The following ARHGEF10L variants were observed in gnomAD, a reference collection of about 807,000 sequenced individuals.
ARHGEF10L encodes the protein rho guanine nucleotide exchange factor 10-like protein.
A neutral mutation model predicts 141.2 loss-of-function variants in ARHGEF10L; 69 were observed. The ratio of observed to expected loss-of-function variants is 0.49; its 90% CI spans 0.40 to 0.60. The LOEUF (loss-of-function observed/expected upper bound fraction) is 0.60, where lower values mean the gene tolerates loss of function less well. ARHGEF10L is among the 20% of genes least tolerant of loss of function. The pLI is 0.00. For synonymous variants in ARHGEF10L, 711 were observed against 718.5 expected, an observed-to-expected ratio of 0.99 and a Z score of 0.17; for missense variants, 1,482 against 1,734.3, an observed-to-expected ratio of 0.85 and a Z score of 2.58.
chr1:17,648,691 C>A lies in ARHGEF10L; in HGVS notation c.2394+16C>A. 6.2e-7 allele frequency: 1 copy of A among 1,609,344 alleles called. No homozygotes were observed. Among genetic ancestry groups the A allele is most frequent in the Non-Finnish European group, 8.5e-7 (1 of 1,177,538 alleles). ...CAGCCTGCAGGTGAGTGGAGCGGAT[C>A]TTGCTGAGCCGACCTCGAAGGTGGC... On this transcript the variant is annotated intron_variant, in intron 22 of 28. Coordinates refer to ENST00000361221, the MANE Select transcript of ARHGEF10L (RefSeq NM_018125.4).
intron 23 of ARHGEF10L, 91 bp from the exon 24 acceptor site, chr1:17,655,788 G>A (rs2062202798): frequency 4.2e-6 from 5 of 1,184,026 alleles, no homozygotes; most frequent in African/African-American, 3.0e-5. Context: ...TCTCTCAGGG[G>A]ATGGGGTCCT....
intron 27 of ARHGEF10L, among the ~76,000 whole-genome samples, chr1:17,688,408 C>T: frequency 6.6e-6 from 1 of 152,232 alleles, no homozygotes; most frequent in Non-Finnish European, 1.5e-5. Context: ...GCTCAAGATG[C>T]AGGCACCATG....
intron 1 of ARHGEF10L, among the ~76,000 whole-genome samples, chr1:17,576,588 T>C (rs2078234574): frequency 6.6e-6 from 1 of 151,912 alleles, no homozygotes; most frequent in Non-Finnish European, 1.5e-5. Context: ...GAGAAAACAA[T>C]CTCCTATAAC....
intron 1 of ARHGEF10L, among the ~76,000 whole-genome samples, chr1:17,557,090 C>T (rs944621233): frequency 1.3e-5 from 2 of 150,580 alleles, no homozygotes; most frequent in African/African-American, 4.9e-5. Flanking sequence ...GGCCTATAAT[C>T]CCAGCACTTT....
Position 17,639,779 on chromosome 1 carries a change from T to C in ARHGEF10L, c.2172-423T>C, listed in dbSNP as rs2101820195. On this transcript the variant is annotated intron_variant, in intron 20 of 28. Transcript: ENST00000361221. The surrounding 1 kb of genome is among the most constrained non-coding windows in gnomAD (Gnocchi z 4.3). ...TCAGCAAACATTTACTGAGCAACTG[T>C]CCCATGCCAGGTGCTGGGAACAGAC... 1.8e-6 allele frequency: 2 copies of C among 1,115,504 alleles called. No individual in the cohort carries two copies. The highest frequency in any genetic ancestry group is 2.4e-6 in the Non-Finnish European group (2 of 827,194). 69.1% of individuals were successfully genotyped at this position (1,115,504 alleles called of 1,614,324 possible).
rs532420319 is a variant in ARHGEF10L at position 17,580,656 on chromosome 1, C to A, written c.37+24C>A. On this transcript the variant is annotated intron_variant, in intron 2 of 28. Transcript: ENST00000361221. ...AGGTACCGTACCCAGGGCTTCCTGT[C>A]CCTCTCATCCTTTCTTAGAAGGGGG... 2.9e-5 allele frequency: 47 copies of A among 1,614,096 alleles called. No individual in the cohort carries two copies. In the East Asian group the frequency reaches 8.2e-4, roughly 28 times the overall value.
In ARHGEF10L at chr1:17,695,154, G is replaced by T; in HGVS notation, c.3185-4G>T. ...CACTGCTCAGCCGCCCTCTCTTTCTGCAGGCCAGAAGCACTTGTGTGTCAC... is the reference window on the plus strand; with the variant it reads ...CACTGCTCAGCCGCCCTCTCTTTCTTCAGGCCAGAAGCACTTGTGTGTCAC... On this transcript the variant is annotated splice_region_variant and splice_polypyrimidine_tract_variant and intron_variant, in intron 27 of 28. Transcript: ENST00000361221. 6.2e-7 allele frequency: 1 copy of T among 1,612,668 alleles called. No individual in the cohort carries two copies. Among genetic ancestry groups the T allele is most frequent in the Non-Finnish European group, 8.5e-7 (1 of 1,179,972 alleles).
chr1:17,523,353 T>G, the ARHGEF10L span, among the ~76,000 whole-genome samples: 3 of 152,120 alleles, frequency 2.0e-5, no homozygotes, highest in African/African-American at 7.2e-5. Flanking sequence ...CCTCCTAAAG[T>G]GCTGGGATTA....
upstream of ARHGEF10L, among the ~76,000 whole-genome samples, chr1:17,535,013 C>T (rs192802867): frequency 9.9e-5 from 15 of 152,160 alleles, 1 homozygote; most frequent in East Asian, 1.5e-3. Flanking sequence ...ATGATTCAAA[C>T]GCATTACATT....
chr1:17,597,349 T>A (rs1570749852), intron 4 of ARHGEF10L, among the ~76,000 whole-genome samples: 1 of 152,050 alleles, frequency 6.6e-6, no homozygotes, highest in Non-Finnish European at 1.5e-5. Flanking sequence ...ACGGCAGCCC[T>A]GCGTGGCTTC....
intron 1 of ARHGEF10L, among the ~76,000 whole-genome samples, chr1:17,543,317 T>C (rs2076797740): frequency 6.6e-6 from 1 of 152,188 alleles, no homozygotes; most frequent in South Asian, 2.1e-4. Context: ...GAGCGATGGC[T>C]CATGCGTGTA....
At chr1:17,624,621 C>T (rs1557857804) in intron 13 of ARHGEF10L, 118 bp downstream of exon 13, 6 of 797,066 alleles carry the variant, frequency 7.5e-6, no homozygotes, top group East Asian at 5.2e-5. Flanking sequence ...CTGGACAGCT[C>T]CCCTCTTTCT....
intron 4 of ARHGEF10L, among the ~76,000 whole-genome samples, chr1:17,592,057 C>G (rs2079589602): frequency 6.6e-6 from 1 of 152,168 alleles, no homozygotes; most frequent in Admixed American, 6.6e-5. Flanking sequence ...CTGGTGGACT[C>G]TGAAGCACGT....
the ARHGEF10L span, among the ~76,000 whole-genome samples, chr1:17,527,826 CCCTCTAGTGCTTTT>C: frequency 6.7e-6 from 1 of 150,354 alleles, no homozygotes; most frequent in Non-Finnish European, 1.5e-5. Context: ...AGGGTTATTG[CCCTCTAGTGCTTTT>C]CCTCTTGCTT....
intron 1 of ARHGEF10L, among the ~76,000 whole-genome samples, chr1:17,563,077 TCTC>T (rs1056474081): frequency 6.6e-6 from 1 of 151,916 alleles, no homozygotes; most frequent in African/African-American, 2.4e-5. Context: ...TTTAGACTCT[TCTC>T]CTGGGGGACG....
Position 17,573,303 on chromosome 1 carries a change from T to C in ARHGEF10L, c.-43-7250T>C, listed in dbSNP as rs2078084349. Among the ~76,000 whole-genome samples, 1 of 152,072 alleles carries C rather than the reference T, an allele frequency of 6.6e-6. No individual in the cohort carries two copies. The highest frequency in any genetic ancestry group is 1.5e-5 in the Non-Finnish European group (1 of 68,004). Reference sequence around the variant, plus strand: ...AGCTGGGAGGCGGGCATCCCTGTTGTAGGTGGGGAAGCTGAGGCTCTGATG... The same window carrying C: ...AGCTGGGAGGCGGGCATCCCTGTTGCAGGTGGGGAAGCTGAGGCTCTGATG... On this transcript the variant is annotated intron_variant, in intron 1 of 28. Transcript: ENST00000361221. The surrounding 1 kb of genome is among the most constrained non-coding windows in gnomAD (Gnocchi z 4.8).
At chr1:17,669,990 CAGTTGT>C (rs2063215092) in intron 26 of ARHGEF10L, among the ~76,000 whole-genome samples, 1 of 152,224 alleles carries the variant, frequency 6.6e-6, no homozygotes, top group African/African-American at 2.4e-5. Context: ...GAGCAGGAGA[CAGTTGT>C]CTGGAGGCCA....
intron 16 of ARHGEF10L, 142 bp downstream of exon 16, chr1:17,632,608 C>G: frequency 8.8e-7 from 1 of 1,136,520 alleles, no homozygotes; most frequent in Non-Finnish European, 1.3e-6. Flanking sequence ...TCCCATCCCT[C>G]TTGCCCTGCT....
chr1:17,656,319 G>A lies in ARHGEF10L; in HGVS notation c.2705+217G>A, dbSNP rs2062245869. 6.6e-6 allele frequency among the ~76,000 whole-genome samples: 1 copy of A among 152,206 alleles called. No homozygotes were observed. The highest frequency in any genetic ancestry group is 2.4e-5 in the African/African-American group (1 of 41,454). On this transcript the variant is annotated intron_variant, in intron 24 of 28. Transcript: ENST00000361221. This position sits in a 1 kb window ranked among gnomAD's most constrained non-coding sequence, Gnocchi z 4.9. Reference sequence around the variant, plus strand: ...TGGCTCCTCCCAGGCAGAATGGCTGGCTCTTTTGCCTCCCTGAGTCCTCTT... The same window carrying A: ...TGGCTCCTCCCAGGCAGAATGGCTGACTCTTTTGCCTCCCTGAGTCCTCTT...
Sources: allele counts gnomAD v4.1 joint callset (sites outside exome capture counted in the v4.1 genomes callset), GRCh38; gene constraint gnomAD v4.1.1; non-coding constraint Gnocchi (gnomAD v3.1); transcripts MANE v1.5; gene names NCBI Gene and HGNC (gene_info 2026-07-23, HGNC 2026-07-21).